HCRTR2: variants seen among roughly 807,000 people sequenced by gnomAD.
The protein encoded by HCRTR2 is hypocretin receptor 2.
In HCRTR2, 22 loss-of-function variants were observed where a neutral mutation model predicts 49.0. The ratio of observed to expected loss-of-function variants is 0.45; its 90% CI spans 0.32 to 0.64. The LOEUF (loss-of-function observed/expected upper bound fraction) is 0.64. Among genes scored for constraint, HCRTR2 ranks in the 30% least tolerant of loss-of-function variants. The pLI, the probability that HCRTR2 is intolerant of heterozygous loss-of-function variation, is 0.04. For missense variants in HCRTR2, 491 were observed against 559.4 expected, an observed-to-expected ratio of 0.88 and a Z score of 1.23; for synonymous variants, 236 against 205.3, an observed-to-expected ratio of 1.15 and a Z score of -1.28.
At chr6:55,142,965 C>A (rs1764528470) in intron 1 of HCRTR2, among the ~76,000 whole-genome samples, 1 of 89,112 alleles carries the variant, frequency 1.1e-5, no homozygotes, top group East Asian at 6.8e-4. Flanking sequence ...TGGATAGAGG[C>A]AGATTATGAT....
chr6:55,196,110 G>T (rs539551636), intron 1 of HCRTR2, among the ~76,000 whole-genome samples: 10 of 152,060 alleles, frequency 6.6e-5, no homozygotes, highest in South Asian at 2.1e-4. Context: ...AATACTTGTC[G>T]ATCATTGTTG....
chr6:55,168,851 A>T (rs192693554), intron 1 of HCRTR2, among the ~76,000 whole-genome samples: 1 of 152,194 alleles, frequency 6.6e-6, no homozygotes, highest in East Asian at 1.9e-4. Flanking sequence ...GAGTTAATGT[A>T]TGTAACGTAC....
chr6:55,143,452 A>C (rs1309081328), intron 1 of HCRTR2, among the ~76,000 whole-genome samples: 4 of 152,198 alleles, frequency 2.6e-5, no homozygotes, highest in African/African-American at 9.7e-5. Context: ...TTAAAACAAA[A>C]ATCAATTTAT....
intron 1 of HCRTR2, among the ~76,000 whole-genome samples, chr6:55,196,246 C>G (rs1455757613): frequency 6.6e-6 from 1 of 152,134 alleles, no homozygotes; most frequent in Non-Finnish European, 1.5e-5. Context: ...GGGGAGTTAT[C>G]AATCACAGTA....
chr6:55,224,143 A>G (rs1487010972), intron 1 of HCRTR2, among the ~76,000 whole-genome samples: 1 of 152,236 alleles, frequency 6.6e-6, no homozygotes, highest in Non-Finnish European at 1.5e-5. Context: ...TCTTAAATAA[A>G]TTTTGTTTTA....
intron 1 of HCRTR2, among the ~76,000 whole-genome samples, chr6:55,178,510 C>G (rs1452418590): frequency 6.6e-6 from 1 of 152,086 alleles, no homozygotes; most frequent in Non-Finnish European, 1.5e-5. Flanking sequence ...GGGACACAGG[C>G]ATATACATAT....
At chr6:55,217,292 A>C (rs1765805160) in intron 1 of HCRTR2, among the ~76,000 whole-genome samples, 1 of 152,132 alleles carries the variant, frequency 6.6e-6, no homozygotes, top group African/African-American at 2.4e-5. Flanking sequence ...TATCAGTGCT[A>C]ATCTCTTTAG....
At chr6:55,108,444 T>C (rs1764004382) in intron 1 of HCRTR2, among the ~76,000 whole-genome samples, 1 of 152,010 alleles carries the variant, frequency 6.6e-6, no homozygotes, top group Non-Finnish European at 1.5e-5. Flanking sequence ...AAATGTGAGA[T>C]GGGGAAAGTC....
chr6:55,149,417 T>G (rs1454133918), intron 1 of HCRTR2, among the ~76,000 whole-genome samples: 1 of 152,048 alleles, frequency 6.6e-6, no homozygotes, highest in Admixed American at 6.6e-5. Flanking sequence ...TGGACACAAC[T>G]GTGGGTAAAA....
intron 1 of HCRTR2, among the ~76,000 whole-genome samples, chr6:55,131,531 T>A (rs1453323164): frequency 1.3e-5 from 2 of 151,746 alleles, no homozygotes; most frequent in East Asian, 1.9e-4. Context: ...CTATGAAATA[T>A]TTTCAAAATT....
intron 1 of HCRTR2, among the ~76,000 whole-genome samples, chr6:55,115,465 T>C (rs1332745114): frequency 7.5e-6 from 1 of 133,476 alleles, no homozygotes; most frequent in African/African-American, 2.8e-5. Flanking sequence ...ATCAAATGCA[T>C]TGTGTTGCTA....
At chr6:55,127,068 G>A (rs560857854) in intron 1 of HCRTR2, among the ~76,000 whole-genome samples, 3 of 152,116 alleles carry the variant, frequency 2.0e-5, no homozygotes, top group Non-Finnish European at 2.9e-5. Context: ...CCCTTCCAGT[G>A]GGAGTGATTG....
intron 5 of HCRTR2, among the ~76,000 whole-genome samples, chr6:55,279,520 A>AACACACACACACAC (rs34736199): frequency 0.18 from 25,444 of 142,438 alleles, 2,525 homozygotes; most frequent in Middle Eastern, 0.24. Context: ...TTCTTGCTGT[A>AACACACACACACAC]ACACACACAC....
chr6:55,125,040 C>T (rs1251969019), intron 1 of HCRTR2, among the ~76,000 whole-genome samples: 1 of 151,700 alleles, frequency 6.6e-6, no homozygotes, highest in Non-Finnish European at 1.5e-5. Flanking sequence ...GAATACAGCA[C>T]ATTGATGGGT....
Position 55,122,771 on chromosome 6 carries a change from G to A in HCRTR2, c.-378+16226G>A, listed in dbSNP as rs1177968515. 4.6e-5 allele frequency among the ~76,000 whole-genome samples: 7 copies of A among 152,032 alleles called. No individual in the cohort carries two copies. In the East Asian group the frequency reaches 1.2e-3, roughly 25 times the overall value. Reference sequence around the variant, plus strand: ...AGAAAATGTGACACATGTACACCATGGAATACTATGCAGCCATAAAAAATG... The same window carrying A: ...AGAAAATGTGACACATGTACACCATAGAATACTATGCAGCCATAAAAAATG... On this transcript the variant is annotated intron_variant, in intron 1 of 7. Coordinates refer to the HCRTR2 transcript ENST00000615358.
At chr6:55,254,035 G>A (rs1438881758) in intron 2 of HCRTR2, among the ~76,000 whole-genome samples, 2 of 151,944 alleles carry the variant, frequency 1.3e-5, no homozygotes, top group Non-Finnish European at 2.9e-5. Flanking sequence ...TAAAATAGAA[G>A]TTAAAAACAA....
At chr6:55,233,520 T>A (rs1766156734) in intron 1 of HCRTR2, among the ~76,000 whole-genome samples, 3 of 152,160 alleles carry the variant, frequency 2.0e-5, no homozygotes, top group Admixed American at 1.3e-4. Flanking sequence ...CAAGACCCCA[T>A]CTTTACAAAA....
intron 4 of HCRTR2, among the ~76,000 whole-genome samples, chr6:55,272,213 A>T (rs1421410529): frequency 6.6e-6 from 1 of 152,158 alleles, no homozygotes; most frequent in Non-Finnish European, 1.5e-5. Context: ...ATGCCACAAG[A>T]TTGATGAATC....
intron 1 of HCRTR2, among the ~76,000 whole-genome samples, chr6:55,245,412 C>T (rs1246976258): frequency 2.9e-5 from 4 of 139,404 alleles, no homozygotes; most frequent in African/African-American, 5.3e-5. Flanking sequence ...CACACACACA[C>T]ATAGGAATAC....
Sources: gnomAD v4.1 joint callset for allele counts (sites outside exome capture counted in the v4.1 genomes callset) on GRCh38, gnomAD v4.1.1 for gene constraint, MANE v1.5 for transcripts, NCBI Gene and HGNC (gene_info 2026-07-23, HGNC 2026-07-21) for gene names.